The following GALNTL6 variants were observed in gnomAD, a reference collection of about 807,000 sequenced individuals.
GALNTL6 encodes the protein polypeptide N-acetylgalactosaminyltransferase-like 6.
Under a neutral mutation model 73.7 loss-of-function variants are expected in GALNTL6, and 46 were observed. That is an observed-to-expected ratio of 0.62 (90% CI 0.49 to 0.80). GALNTL6 has a LOEUF of 0.80. Ranked by LOEUF, GALNTL6 falls within the 30% of genes least tolerant of loss-of-function variation. The pLI, the probability that GALNTL6 is intolerant of heterozygous loss-of-function variation, is 0.00. For synonymous variants in GALNTL6, 259 were observed against 263.7 expected, an observed-to-expected ratio of 0.98 and a Z score of 0.17; for missense variants, 604 against 755.0, an observed-to-expected ratio of 0.80 and a Z score of 2.34.
intron 4 of GALNTL6, among the ~76,000 whole-genome samples, chr4:172,341,430 G>C (rs962455663): frequency 3.0e-5 from 4 of 133,650 alleles, no homozygotes; most frequent in East Asian, 2.1e-4. Flanking sequence ...CAGCCTGGGC[G>C]ACAGAGCGAG....
At chr4:172,911,508 G>T (rs964618191) in intron 8 of GALNTL6, among the ~76,000 whole-genome samples, 1 of 152,118 alleles carries the variant, frequency 6.6e-6, no homozygotes, top group Non-Finnish European at 1.5e-5. Context: ...AGATACACAA[G>T]AAAATATCTG....
intron 2 of GALNTL6, among the ~76,000 whole-genome samples, chr4:171,833,550 G>A (rs2110829104): frequency 6.6e-6 from 1 of 151,444 alleles, no homozygotes; most frequent in East Asian, 1.9e-4. Flanking sequence ...AGTTTTTATG[G>A]TCCAGAGTCA....
At chr4:171,921,925 T>A (rs747219683) in intron 2 of GALNTL6, among the ~76,000 whole-genome samples, 10 of 152,062 alleles carry the variant, frequency 6.6e-5, no homozygotes, top group Non-Finnish European at 1.5e-4. Flanking sequence ...ATATATATTA[T>A]GTTATGATTA....
intron 2 of GALNTL6, among the ~76,000 whole-genome samples, chr4:171,967,460 T>TGTTTTTTTTTTTTTTTTTTG (rs1414283151): frequency 6.7e-6 from 1 of 150,260 alleles, no homozygotes. Flanking sequence ...TTTTTTTTTT[T>TGTTTTTTTTTTTTTTTTTTG]TTTTTGTAGA....
chr4:171,965,449 G>T (rs541629055), intron 2 of GALNTL6, among the ~76,000 whole-genome samples: 3 of 152,148 alleles, frequency 2.0e-5, no homozygotes, highest in Admixed American at 2.0e-4. Context: ...AAGGTCAGGA[G>T]ATCGAGACCA....
chr4:172,800,937 T>C (rs1159390267), intron 5 of GALNTL6, among the ~76,000 whole-genome samples: 2 of 152,150 alleles, frequency 1.3e-5, no homozygotes, highest in Non-Finnish European at 2.9e-5. Context: ...ACAGAACAAT[T>C]ATAAACTATA....
chr4:172,314,841 C>T (rs1270570528), intron 4 of GALNTL6, among the ~76,000 whole-genome samples: 7 of 152,108 alleles, frequency 4.6e-5, no homozygotes, highest in Non-Finnish European at 1.0e-4. Flanking sequence ...AACTCCTGAA[C>T]TCAGGTGATC....
intron 2 of GALNTL6, among the ~76,000 whole-genome samples, chr4:172,091,937 G>T (rs1419360501): frequency 6.6e-6 from 1 of 151,978 alleles, no homozygotes; most frequent in Admixed American, 6.6e-5. Context: ...ATTAATTATT[G>T]TTTTGTTTGA....
At chr4:171,852,693 T>A (rs1425792879) in intron 2 of GALNTL6, among the ~76,000 whole-genome samples, 1 of 152,130 alleles carries the variant, frequency 6.6e-6, no homozygotes, top group Non-Finnish European at 1.5e-5. Context: ...TTGCCACCTG[T>A]CAGTGATATG....
chr4:172,568,393 T>C (rs1007587919), intron 5 of GALNTL6, among the ~76,000 whole-genome samples: 1 of 152,222 alleles, frequency 6.6e-6, no homozygotes, highest in Non-Finnish European at 1.5e-5. Flanking sequence ...CAAGTCAGCC[T>C]AATTCCCGGA....
chr4:172,674,382 A>G (rs896963044), intron 5 of GALNTL6, among the ~76,000 whole-genome samples: 1 of 151,948 alleles, frequency 6.6e-6, no homozygotes, highest in Non-Finnish European at 1.5e-5. Context: ...TTTTCTCTCT[A>G]GCTTCCTTTA....
chr4:172,860,323 A>C (rs143596934), intron 7 of GALNTL6, among the ~76,000 whole-genome samples: 5 of 152,340 alleles, frequency 3.3e-5, no homozygotes, highest in Non-Finnish European at 5.9e-5. Context: ...CAGGAGCTGA[A>C]AATTAGACAG....
intron 2 of GALNTL6, among the ~76,000 whole-genome samples, chr4:172,115,967 A>G (rs1475584951): frequency 6.6e-6 from 1 of 152,102 alleles, no homozygotes; most frequent in Non-Finnish European, 1.5e-5. Context: ...ACAAAATTGA[A>G]TAAAATATAC....
intron 5 of GALNTL6, among the ~76,000 whole-genome samples, chr4:172,704,743 T>C (rs1268928005): frequency 6.6e-6 from 1 of 152,054 alleles, no homozygotes; most frequent in African/African-American, 2.4e-5. Context: ...TGATGATTAT[T>C]TGATAATTTT....
chr4:172,487,212 CTCCTTCCT>C (rs138742820), intron 5 of GALNTL6, among the ~76,000 whole-genome samples: 11 of 148,694 alleles, frequency 7.4e-5, no homozygotes, highest in East Asian at 2.0e-4. Flanking sequence ...TTCTTTCTTT[CTCCTTCCT>C]TCCTTCCTTC....
At chr4:172,060,495 T>A (rs925052002) in intron 2 of GALNTL6, among the ~76,000 whole-genome samples, 1 of 152,182 alleles carries the variant, frequency 6.6e-6, no homozygotes, top group Non-Finnish European at 1.5e-5. Flanking sequence ...GTTCAGTTGA[T>A]GATTTATCGT....
chr4:172,057,312 G>A (rs1359913558), intron 2 of GALNTL6, among the ~76,000 whole-genome samples: 1 of 151,856 alleles, frequency 6.6e-6, no homozygotes, highest in African/African-American at 2.4e-5. Context: ...TACTCGAGAG[G>A]CTGAGGTGGA....
At position 171,998,113 on chromosome 4, in the gene GALNTL6, G is replaced by A. The variant is rs543607052; in HGVS notation, c.138+183395G>A. Among the ~76,000 whole-genome samples the A allele has an allele frequency of 1.1e-4, 16 of 152,240 alleles. No homozygotes were observed. In the South Asian group the frequency reaches 3.3e-3, roughly 32 times the overall value. ...TTTCACATGTTGTATGTGGATGACT[G>A]AACAGAAAACAAATCATGAGCAATG... On this transcript the variant is annotated intron_variant, in intron 2 of 12. Transcript: ENST00000506823.
At chr4:172,194,850 G>A (rs1169152833) in intron 2 of GALNTL6, among the ~76,000 whole-genome samples, 3 of 152,064 alleles carry the variant, frequency 2.0e-5, no homozygotes, top group African/African-American at 7.2e-5. Context: ...AGACACTGAA[G>A]TACACACACC....
Sources: allele counts gnomAD v4.1 joint callset (sites outside exome capture counted in the v4.1 genomes callset), GRCh38; gene constraint gnomAD v4.1.1; transcripts MANE v1.5; gene names NCBI Gene and HGNC (gene_info 2026-07-23, HGNC 2026-07-21).